USP13: variants seen among roughly 807,000 people sequenced by gnomAD.
The protein encoded by USP13 is ubiquitin carboxyl-terminal hydrolase 13.
Under a neutral mutation model 107.8 loss-of-function variants are expected in USP13, and 68 were observed. The observed-to-expected ratio is 0.63, with a 90% confidence interval of 0.52 to 0.77. The LOEUF is 0.77. Ranked by LOEUF, USP13 falls within the 30% of genes least tolerant of loss-of-function variation. The probability of loss-of-function intolerance (pLI) is 0.00; values close to 1 mark genes in which losing one functional copy is unlikely to be tolerated. For synonymous variants in USP13, 377 were observed against 389.5 expected (o/e 0.97, Z 0.38); for missense variants, 945 against 1,093.3 (o/e 0.86, Z 1.91).
At chr3:179,752,033 G>A (rs771592358) in intron 13 of USP13, among the ~76,000 whole-genome samples, 4 of 152,290 alleles carry the variant, frequency 2.6e-5, no homozygotes, top group East Asian at 1.9e-4. Flanking sequence ...GTGAGCCACC[G>A]CACCTACCCA....
chr3:179,701,000 C>T lies in USP13; in HGVS notation c.356-8C>T. On this transcript the variant is annotated splice_region_variant and splice_polypyrimidine_tract_variant and intron_variant, in intron 3 of 20. Transcript: ENST00000263966. ...ACTTCTTGTTCTTTGTTTTTGTTTT[C>T]TCCTCAGATCTAGATACTGATGACG... 6.2e-7 allele frequency: 1 copy of T among 1,607,980 alleles called. No individual in the cohort carries two copies. The highest frequency in any genetic ancestry group is 2.2e-5 in the East Asian group (1 of 44,812).
intron 2 of USP13, among the ~76,000 whole-genome samples, chr3:179,687,680 A>AAAAAAAAAAAAAAC (rs1711924816): frequency 7.1e-6 from 1 of 140,796 alleles, no homozygotes; most frequent in Non-Finnish European, 1.5e-5. Context: ...AAAAAAAAAA[A>AAAAAAAAAAAAAAC]AAAAAGGACT....
intron 8 of USP13, among the ~76,000 whole-genome samples, chr3:179,727,020 AG>A (rs1249721185): frequency 6.6e-6 from 1 of 151,488 alleles, no homozygotes; most frequent in Non-Finnish European, 1.5e-5. Context: ...CTCTCAAATG[AG>A]GATAATGATA....
At chr3:179,679,038 C>T (rs1711558506) in intron 1 of USP13, among the ~76,000 whole-genome samples, 1 of 152,104 alleles carries the variant, frequency 6.6e-6, no homozygotes, top group African/African-American at 2.4e-5. Flanking sequence ...GAGGCACATA[C>T]TTGAGTTAAT....
intron 1 of USP13, among the ~76,000 whole-genome samples, chr3:179,669,093 G>A (rs1720668023): frequency 6.6e-6 from 1 of 152,128 alleles, no homozygotes. Context: ...ACCATTAGGA[G>A]TTGTCCTCAC....
At chr3:179,700,529 T>C (rs1252827098) in intron 3 of USP13, among the ~76,000 whole-genome samples, 1 of 152,134 alleles carries the variant, frequency 6.6e-6, no homozygotes, top group African/African-American at 2.4e-5. Context: ...GGAGCTAGTC[T>C]TGAACCTAAG....
At chr3:179,783,958 G>C (rs1304282901) in intron 20 of USP13, 90 bp from the exon 21 acceptor site, 5 of 977,614 alleles carry the variant, frequency 5.1e-6, no homozygotes, top group Non-Finnish European at 6.3e-6. Context: ...TCATGGTTAA[G>C]TGTTGTGCGC....
chr3:179,757,580 G>A (rs765546166), intron 16 of USP13, among the ~76,000 whole-genome samples: 5 of 152,144 alleles, frequency 3.3e-5, no homozygotes, highest in Non-Finnish European at 7.3e-5. Flanking sequence ...TCCTAATCCT[G>A]TGGGAGTTGA....
At chr3:179,726,260 C>G (rs1247923973) in intron 8 of USP13, among the ~76,000 whole-genome samples, 1 of 152,132 alleles carries the variant, frequency 6.6e-6, no homozygotes, top group Non-Finnish European at 1.5e-5. Flanking sequence ...GCAAGTCTGT[C>G]ATGCCCTGGG....
chr3:179,781,770 G>A lies in USP13; in HGVS notation c.2445G>A (p.Met815Ile). 6.2e-7 allele frequency: 1 copy of A among 1,613,956 alleles called. No homozygotes were observed. Among genetic ancestry groups the A allele is most frequent in the Non-Finnish European group, 8.5e-7 (1 of 1,179,938 alleles). ...TYELFAFISHMGTSTMSGHYI... is the reference protein window; with the variant it reads ...TYELFAFISHIGTSTMSGHYI... ...AGCTATTTGCATTCATCAGTCACAT[G>A]GGAACATCCACAATGAGTGGTCATT... The change falls in exon 20 of 21, where the codon ATG becomes ATA. Residue 815 changes from methionine to isoleucine, a missense_variant. Coordinates refer to ENST00000263966, the MANE Select transcript of USP13 (RefSeq NM_003940.3).
intron 1 of USP13, among the ~76,000 whole-genome samples, chr3:179,670,014 G>A (rs1463696205): frequency 6.7e-6 from 1 of 150,142 alleles, no homozygotes; most frequent in Non-Finnish European, 1.5e-5. Flanking sequence ...CTCCTGTACT[G>A]TCGCCACCTT....
chr3:179,765,208 C>T (rs1715133923), intron 18 of USP13, among the ~76,000 whole-genome samples: 1 of 152,170 alleles, frequency 6.6e-6, no homozygotes, highest in African/African-American at 2.4e-5. Context: ...TACTGGAATT[C>T]AAACATTTTA....
At chr3:179,778,850 GC>G (rs1715641527) in intron 19 of USP13, among the ~76,000 whole-genome samples, 1 of 152,150 alleles carries the variant, frequency 6.6e-6, no homozygotes, top group Admixed American at 6.5e-5. Context: ...GGAAACGGGA[GC>G]AACAGGAGTG....
intron 14 of USP13, among the ~76,000 whole-genome samples, chr3:179,753,939 G>C (rs1275292379): frequency 6.6e-6 from 1 of 152,122 alleles, no homozygotes; most frequent in Non-Finnish European, 1.5e-5. Context: ...AAAAAGTACT[G>C]TAAAGATAAT....
At chr3:179,689,123 G>T (rs1712008310) in intron 2 of USP13, among the ~76,000 whole-genome samples, 1 of 152,216 alleles carries the variant, frequency 6.6e-6, no homozygotes, top group South Asian at 2.1e-4. Context: ...GTGCAGCAAG[G>T]TCTCGACACC....
chr3:179,734,589 G>C (rs1713920676), intron 10 of USP13, among the ~76,000 whole-genome samples: 1 of 152,182 alleles, frequency 6.6e-6, no homozygotes, highest in African/African-American at 2.4e-5. Context: ...GAACATAAGA[G>C]CTTTGTTTCC....
At chr3:179,668,620 G>A (rs1560042037) in intron 1 of USP13, among the ~76,000 whole-genome samples, 1 of 151,970 alleles carries the variant, frequency 6.6e-6, no homozygotes, top group African/African-American at 2.4e-5. Flanking sequence ...GCAGTGGTGT[G>A]ATCTTGGCTC....
At chr3:179,706,066 T>C (rs1039745949) in intron 4 of USP13, among the ~76,000 whole-genome samples, 3 of 152,166 alleles carry the variant, frequency 2.0e-5, no homozygotes, top group Admixed American at 1.3e-4. Context: ...TGAACAGTTG[T>C]GTACAGGTTT....
rs186307084 is a variant in USP13, at chr3:179,662,036, T to G, written c.168+8643T>G. On this transcript the variant is annotated intron_variant, in intron 1 of 20. Coordinates refer to ENST00000263966, the MANE Select transcript of USP13 (RefSeq NM_003940.3). ...ACATAGGCAGTGATTTCTCTGACTG[T>G]GGCTCTCATGCCCTTTCCATGATTT... Among the ~76,000 whole-genome samples the G allele has an allele frequency of 2.5e-3, 379 of 152,326 alleles. 1 individual carries two copies. The highest frequency in any genetic ancestry group is 3.1e-3 in the Non-Finnish European group (214 of 68,032).
Sources: allele counts gnomAD v4.1 joint callset (sites outside exome capture counted in the v4.1 genomes callset), GRCh38; gene constraint gnomAD v4.1.1; transcripts MANE v1.5; gene names NCBI Gene and HGNC (gene_info 2026-07-23, HGNC 2026-07-21).